PRELID2: variants seen among roughly 807,000 people sequenced by gnomAD.
PRELID2 encodes PRELI domain containing 2.
A neutral mutation model predicts 28.4 loss-of-function variants in PRELID2; 25 were observed. The observed-to-expected ratio is 0.88, with a 90% CI of 0.64 to 1.23. PRELID2 has a LOEUF of 1.23. Ranked by LOEUF, PRELID2 falls within the 50% of genes most tolerant of loss-of-function variation. PRELID2 has a pLI of 0.00. For synonymous variants in PRELID2, 76 were observed against 71.6 expected, an observed-to-expected ratio of 1.06 and a Z score of -0.31; for missense variants, 201 against 214.4, an observed-to-expected ratio of 0.94 and a Z score of 0.39.
chr5:145,299,005 C>T, the PRELID2 span, among the ~76,000 whole-genome samples: 1 of 151,966 alleles, frequency 6.6e-6, no homozygotes, highest in Non-Finnish European at 1.5e-5. Flanking sequence ...ATACATATTG[C>T]ATTTTGCAAT....
chr5:145,557,391 T>A (rs538857399), intron 1 of PRELID2, among the ~76,000 whole-genome samples: 136 of 152,214 alleles, frequency 8.9e-4, no homozygotes, highest in African/African-American at 3.1e-3. Flanking sequence ...TTTAGAAACT[T>A]GAGGTAAAAT....
the PRELID2 span, among the ~76,000 whole-genome samples, chr5:145,254,744 C>T: frequency 2.6e-5 from 4 of 152,002 alleles, no homozygotes; most frequent in African/African-American, 9.7e-5. Flanking sequence ...ACCCGGCAGG[C>T]ATTTTGAACC....
chr5:145,324,674 A>T, the PRELID2 span, among the ~76,000 whole-genome samples: 1 of 152,210 alleles, frequency 6.6e-6, no homozygotes, highest in Non-Finnish European at 1.5e-5. Context: ...TGAACCTGCC[A>T]TTATGGAGAT....
intron 1 of PRELID2, among the ~76,000 whole-genome samples, chr5:145,730,725 T>C (rs895033118): frequency 6.6e-6 from 1 of 151,386 alleles, no homozygotes; most frequent in Non-Finnish European, 1.5e-5. Flanking sequence ...AGGGCATCAG[T>C]CTAATGACTA....
intron 1 of PRELID2, among the ~76,000 whole-genome samples, chr5:145,563,582 C>T (rs184985111): frequency 6.6e-6 from 1 of 152,294 alleles, no homozygotes; most frequent in Non-Finnish European, 1.5e-5. Context: ...ACAGCAGAAC[C>T]TAGGCAAAAA....
At chr5:145,651,607 CT>C (rs1354807049) in intron 1 of PRELID2, among the ~76,000 whole-genome samples, 2 of 152,228 alleles carry the variant, frequency 1.3e-5, no homozygotes, top group Non-Finnish European at 2.9e-5. Flanking sequence ...GCAATATTCG[CT>C]GTTCTGCAGC....
intron 1 of PRELID2, among the ~76,000 whole-genome samples, chr5:145,833,990 T>C (rs1329785802): frequency 6.6e-6 from 1 of 152,222 alleles, no homozygotes; most frequent in African/African-American, 2.4e-5. Context: ...CCAGGAGTCC[T>C]GCCTCCCAGG....
the PRELID2 span, among the ~76,000 whole-genome samples, chr5:145,240,857 G>C: frequency 6.6e-6 from 1 of 151,940 alleles, no homozygotes; most frequent in African/African-American, 2.4e-5. Flanking sequence ...ATATTATAGT[G>C]ATTCCATAAA....
chr5:145,615,225 C>A (rs1045620724), intron 1 of PRELID2, among the ~76,000 whole-genome samples: 1 of 152,086 alleles, frequency 6.6e-6, no homozygotes, highest in African/African-American at 2.4e-5. Context: ...AGAATAACTA[C>A]CCCTGCTCGC....
At chr5:145,356,495 T>C in the PRELID2 span, among the ~76,000 whole-genome samples, 1 of 152,132 alleles carries the variant, frequency 6.6e-6, no homozygotes, top group African/African-American at 2.4e-5. Context: ...AGTCTACTTG[T>C]TTAATTGAAC....
chr5:145,282,034 T>C, the PRELID2 span, among the ~76,000 whole-genome samples: 1 of 152,128 alleles, frequency 6.6e-6, no homozygotes, highest in Admixed American at 6.6e-5. Context: ...ATAGCTGTTA[T>C]CCTCAGGAAT....
the PRELID2 span, among the ~76,000 whole-genome samples, chr5:145,350,947 G>A: frequency 6.6e-6 from 1 of 152,182 alleles, no homozygotes; most frequent in African/African-American, 2.4e-5. Flanking sequence ...GATATTCTGT[G>A]TAATGATAGT....
intron 1 of PRELID2, among the ~76,000 whole-genome samples, chr5:145,537,530 A>T (rs943320610): frequency 6.6e-6 from 1 of 151,874 alleles, no homozygotes; most frequent in Non-Finnish European, 1.5e-5. Flanking sequence ...GGAACTAGGT[A>T]GTATCTTGTG....
At chr5:145,715,323 T>C (rs1561555120) in intron 1 of PRELID2, among the ~76,000 whole-genome samples, 1 of 152,120 alleles carries the variant, frequency 6.6e-6, no homozygotes, top group Non-Finnish European at 1.5e-5. Context: ...TCTAGTTAAC[T>C]TGTCTTCAAA....
chr5:145,230,272 T>C, the PRELID2 span, among the ~76,000 whole-genome samples: 5 of 151,718 alleles, frequency 3.3e-5, no homozygotes, highest in Non-Finnish European at 5.9e-5. Flanking sequence ...AGCTATAAAA[T>C]GACAATTAAA....
At chr5:145,778,635 G>A (rs1226927793) in intron 5 of PRELID2, among the ~76,000 whole-genome samples, 1 of 152,214 alleles carries the variant, frequency 6.6e-6, no homozygotes, top group African/African-American at 2.4e-5. Context: ...ACCCATGCCA[G>A]CACCTAGAGC....
At chr5:145,736,538 TTG>T (rs1280403002) in intron 1 of PRELID2, among the ~76,000 whole-genome samples, 5 of 152,204 alleles carry the variant, frequency 3.3e-5, no homozygotes, top group Non-Finnish European at 5.9e-5. Context: ...GAAGAGGTTT[TTG>T]TTTGACTCTA....
chr5:145,694,638 A>G (rs1755219095), intron 1 of PRELID2, among the ~76,000 whole-genome samples: 1 of 152,146 alleles, frequency 6.6e-6, no homozygotes, highest in Non-Finnish European at 1.5e-5. Flanking sequence ...TTTGTTTTTT[A>G]ATAATTTATT....
At chr5:145,467,945 C>A (rs1217608572), downstream of PRELID2, among the ~76,000 whole-genome samples, 2 of 150,998 alleles carry the variant, frequency 1.3e-5, no homozygotes, top group Non-Finnish European at 3.0e-5. Flanking sequence ...ACTTTAAGTT[C>A]TAGGGCACAT....
Sources: gnomAD v4.1 joint callset for allele counts (sites outside exome capture counted in the v4.1 genomes callset) on GRCh38, gnomAD v4.1.1 for gene constraint, MANE v1.5 for transcripts, NCBI Gene and HGNC (gene_info 2026-07-23, HGNC 2026-07-21) for gene names.